Variants in CCNY observed in about 807,000 individuals in gnomAD.
The protein encoded by CCNY is cyclin Y, also known as cyclin-Y.
CCNY carries 19 observed loss-of-function variants against 42.8 expected under a neutral mutation model. The observed-to-expected ratio is 0.44, with a 90% CI of 0.31 to 0.65. The LOEUF is 0.65. Among genes scored for constraint, CCNY ranks in the 30% least tolerant of loss-of-function variants. The pLI is 0.07. For missense variants in CCNY, 370 were observed against 437.3 expected (o/e 0.85, Z 1.37); for synonymous variants, 165 against 162.7 (o/e 1.01, Z -0.11).
intron 1 of CCNY, among the ~76,000 whole-genome samples, chr10:35,393,072 G>A (rs1837448961): frequency 6.6e-6 from 1 of 152,114 alleles, no homozygotes; most frequent in African/African-American, 2.4e-5. Flanking sequence ...GCGCATTGGT[G>A]CTAAGTCCCC....
At chr10:35,552,807 A>G (rs1841287076) in intron 7 of CCNY, among the ~76,000 whole-genome samples, 1 of 152,254 alleles carries the variant, frequency 6.6e-6, no homozygotes, top group Non-Finnish European at 1.5e-5. Context: ...TTTAAGATCC[A>G]GCTGCACCCA....
rs1309918096 is a variant in CCNY, at chr10:35,478,383, A to C, written c.155-5021A>C. Among the ~76,000 whole-genome samples the C allele has an allele frequency of 2.6e-5, 4 of 151,946 alleles. No individual in the cohort carries two copies. In the East Asian group the frequency reaches 7.7e-4, roughly 29 times the overall value. ...TGGAGGCATCACACTACCTGACTTC[A>C]AACTATACTACAAGGCTACAGTAAC... On this transcript the variant is annotated intron_variant, in intron 1 of 9. Coordinates refer to ENST00000374704, the MANE Select transcript of CCNY (RefSeq NM_145012.6).
chr10:35,290,222 TCACACACACACACACA>T (rs368209050), intron 3 of CCNY, among the ~76,000 whole-genome samples: 38 of 122,910 alleles, frequency 3.1e-4, no homozygotes, highest in Non-Finnish European at 5.3e-4. Context: ...CAAGACTCCA[TCACACACACACACACA>T]CACACACACA....
chr10:35,431,908 T>A (rs1162192277), intron 1 of CCNY, among the ~76,000 whole-genome samples: 1 of 152,140 alleles, frequency 6.6e-6, no homozygotes, highest in Non-Finnish European at 1.5e-5. Context: ...TGTTTTTACA[T>A]CTGTAAAATA....
rs541692611 is a variant in CCNY, at chr10:35,381,292, G to T, written c.154+44085G>T. Reference sequence around the variant, plus strand: ...TAGATACTGTAGGCCGAGCGCCATGGCTCATGCCTGTAATCCCAGCACTTT... The same window carrying T: ...TAGATACTGTAGGCCGAGCGCCATGTCTCATGCCTGTAATCCCAGCACTTT... On this transcript the variant is annotated intron_variant, in intron 1 of 9. Transcript: ENST00000374704. 2.0e-5 allele frequency among the ~76,000 whole-genome samples: 3 copies of T among 152,300 alleles called. No homozygotes were observed. The South Asian group carries it at 6.2e-4, about 32-fold the overall frequency.
intron 3 of CCNY, among the ~76,000 whole-genome samples, chr10:35,251,599 T>G (rs1048367699): frequency 6.6e-6 from 1 of 151,920 alleles, no homozygotes; most frequent in African/African-American, 2.4e-5. Context: ...CTTTTTTTTT[T>G]TTTTTTTGAG....
chr10:35,335,795 C>T (rs1836010033), upstream of CCNY: 1 of 152,436 alleles, frequency 6.6e-6, no homozygotes. Flanking sequence ...AGTTAACACA[C>T]ATACACACCC....
chr10:35,263,309 A>G (rs549795394), intron 3 of CCNY, among the ~76,000 whole-genome samples: 44 of 143,138 alleles, frequency 3.1e-4, no homozygotes, highest in Admixed American at 1.2e-3. Context: ...GTGAGCCGAG[A>G]TCGCGCCACT....
chr10:35,315,963 C>G (rs1835754740), intron 3 of CCNY, among the ~76,000 whole-genome samples: 1 of 152,230 alleles, frequency 6.6e-6, no homozygotes, highest in Non-Finnish European at 1.5e-5. Flanking sequence ...TTTCTACCTT[C>G]TGTCTCTATA....
At chr10:35,420,759 C>CT (rs1838141512) in intron 1 of CCNY, among the ~76,000 whole-genome samples, 1 of 152,278 alleles carries the variant, frequency 6.6e-6, no homozygotes, top group East Asian at 1.9e-4. Flanking sequence ...CAGATGCTTT[C>CT]TTTTGGCAGT....
intron 1 of CCNY, among the ~76,000 whole-genome samples, chr10:35,451,631 A>G (rs1025930028): frequency 9.9e-5 from 15 of 152,200 alleles, no homozygotes; most frequent in Admixed American, 6.5e-4. Flanking sequence ...AGGCTCAACA[A>G]TACAGTGTTA....
At chr10:35,543,606 A>C (rs760168175) in intron 7 of CCNY, among the ~76,000 whole-genome samples, 11 of 152,176 alleles carry the variant, frequency 7.2e-5, no homozygotes, top group Non-Finnish European at 1.6e-4. Context: ...TGCACGGTAC[A>C]TATAATACTT....
At chr10:35,266,174 T>TTCAAGCAA (rs929997697) in intron 3 of CCNY, among the ~76,000 whole-genome samples, 1 of 151,712 alleles carries the variant, frequency 6.6e-6, no homozygotes, top group African/African-American at 2.4e-5. Flanking sequence ...ACCTCCCAGG[T>TTCAAGCAA]TCAAGCAATT....
chr10:35,563,107 A>G (rs1205055343), intron 8 of CCNY, among the ~76,000 whole-genome samples: 1 of 152,192 alleles, frequency 6.6e-6, no homozygotes, highest in African/African-American at 2.4e-5. Flanking sequence ...CTGATAATTT[A>G]TCACATAGCA....
intron 3 of CCNY, among the ~76,000 whole-genome samples, chr10:35,256,075 G>T (rs112332637): frequency 6.6e-6 from 1 of 151,934 alleles, no homozygotes; most frequent in African/African-American, 2.4e-5. Context: ...CACTTCCAAC[G>T]GATTGTGTCT....
intron 1 of CCNY, among the ~76,000 whole-genome samples, chr10:35,378,861 T>C (rs1488223161): frequency 6.6e-6 from 1 of 152,182 alleles, no homozygotes; most frequent in Non-Finnish European, 1.5e-5. Context: ...AATGGGTACC[T>C]GTCCTGAGCC....
chr10:35,492,300 C>T (rs548602309), intron 2 of CCNY, among the ~76,000 whole-genome samples: 54 of 152,340 alleles, frequency 3.5e-4, no homozygotes, highest in African/African-American at 5.8e-4. Context: ...ATGCTCTGCC[C>T]GCAGCACCTG....
At chr10:35,275,466 A>C (rs939832030) in intron 3 of CCNY, among the ~76,000 whole-genome samples, 5 of 151,760 alleles carry the variant, frequency 3.3e-5, no homozygotes, top group African/African-American at 1.2e-4. Context: ...TTGCCAGCTA[A>C]AGAGTGTGTC....
chr10:35,550,792 C>T (rs544145023), intron 7 of CCNY, among the ~76,000 whole-genome samples: 12 of 152,168 alleles, frequency 7.9e-5, no homozygotes, highest in African/African-American at 2.9e-4. Context: ...TTCTTTGTTA[C>T]CCCTTCATCC....
Sources: allele counts gnomAD v4.1 joint callset (sites outside exome capture counted in the v4.1 genomes callset), GRCh38; gene constraint gnomAD v4.1.1; transcripts MANE v1.5; gene names NCBI Gene and HGNC (gene_info 2026-07-23, HGNC 2026-07-21).